ARHGAP26: variants seen among roughly 807,000 people sequenced by gnomAD.
The protein encoded by ARHGAP26 is rho GTPase-activating protein 26.
In ARHGAP26, 38 loss-of-function variants were observed where a neutral mutation model predicts 104.8. That is an observed-to-expected ratio of 0.36 (90% CI 0.28 to 0.48). ARHGAP26 has a LOEUF of 0.48. Ranked by LOEUF, ARHGAP26 falls within the 20% of genes least tolerant of loss-of-function variation. The pLI is 0.99. For synonymous variants in ARHGAP26, 341 were observed against 340.0 expected (o/e 1.00, Z -0.03); for missense variants, 704 against 947.9 (o/e 0.74, Z 3.38).
intron 9 of ARHGAP26, among the ~76,000 whole-genome samples, chr5:142,912,656 C>T (rs1761981162): frequency 6.6e-6 from 1 of 152,130 alleles, no homozygotes; most frequent in Non-Finnish European, 1.5e-5. Flanking sequence ...CAAAATTTGA[C>T]CCAGTCTCTG....
chr5:142,792,686 C>T (rs927958202), intron 1 of ARHGAP26, among the ~76,000 whole-genome samples: 1 of 152,110 alleles, frequency 6.6e-6, no homozygotes. Flanking sequence ...CTGAGAGCAC[C>T]CCGGCTGTGC....
intron 1 of ARHGAP26, among the ~76,000 whole-genome samples, chr5:142,831,080 G>A (rs181503094): frequency 3.9e-5 from 6 of 152,314 alleles, no homozygotes; most frequent in African/African-American, 1.4e-4. Flanking sequence ...CGATCACAAT[G>A]CCTGGCATGC....
intron 1 of ARHGAP26, among the ~76,000 whole-genome samples, chr5:142,773,217 T>C (rs1376385079): frequency 6.6e-6 from 1 of 152,250 alleles, no homozygotes. Context: ...TCATGTTTAT[T>C]ATATCTATAA....
At chr5:142,969,138 G>T (rs1191398627) in intron 11 of ARHGAP26, among the ~76,000 whole-genome samples, 1 of 152,106 alleles carries the variant, frequency 6.6e-6, no homozygotes, top group African/African-American at 2.4e-5. Flanking sequence ...AAGGGGGCTT[G>T]CCATGTGGCC....
chr5:143,061,040 T>G (rs1257021194), intron 17 of ARHGAP26, among the ~76,000 whole-genome samples: 1 of 152,248 alleles, frequency 6.6e-6, no homozygotes, highest in Non-Finnish European at 1.5e-5. Context: ...TGTGTTGAGT[T>G]TTCAACAAAT....
At chr5:143,067,067 G>C (rs569785806) in intron 17 of ARHGAP26, among the ~76,000 whole-genome samples, 1 of 151,562 alleles carries the variant, frequency 6.6e-6, no homozygotes, top group African/African-American at 2.4e-5. Context: ...TCTTGGTGTC[G>C]CAAGGCTGAT....
intron 19 of ARHGAP26, 152 bp from the exon 20 acceptor site, chr5:143,147,079 T>C: frequency 1.0e-6 from 1 of 985,606 alleles, no homozygotes; most frequent in Non-Finnish European, 1.5e-6. Flanking sequence ...TTTCCCACTT[T>C]TAATTCTTAA....
At chr5:143,167,111 A>G (rs996283469) in intron 20 of ARHGAP26, among the ~76,000 whole-genome samples, 3 of 152,130 alleles carry the variant, frequency 2.0e-5, no homozygotes, top group African/African-American at 2.4e-5. Flanking sequence ...CACCTCAAGT[A>G]AATTGCATTT....
intron 1 of ARHGAP26, among the ~76,000 whole-genome samples, chr5:142,813,486 G>C (rs947692154): frequency 6.6e-6 from 1 of 152,176 alleles, no homozygotes; most frequent in African/African-American, 2.4e-5. Context: ...GACAGTGTGT[G>C]TATTAATCTT....
intron 17 of ARHGAP26, among the ~76,000 whole-genome samples, chr5:143,089,315 C>T (rs1261285062): frequency 2.0e-5 from 3 of 152,096 alleles, no homozygotes; most frequent in Admixed American, 6.5e-5. Flanking sequence ...ACACAGCACC[C>T]GACAAGAATA....
intron 1 of ARHGAP26, among the ~76,000 whole-genome samples, chr5:142,849,735 T>G (rs1751153691): frequency 6.6e-6 from 1 of 152,182 alleles, no homozygotes; most frequent in Non-Finnish European, 1.5e-5. Context: ...TTTCTTGATG[T>G]CTGCTGGCAT....
At chr5:143,125,133 A>G (rs1599126244) in intron 18 of ARHGAP26, among the ~76,000 whole-genome samples, 1 of 152,324 alleles carries the variant, frequency 6.6e-6, no homozygotes, top group East Asian at 1.9e-4. Context: ...AGAAGTGGGT[A>G]ATTCAGTTTC....
intron 1 of ARHGAP26, among the ~76,000 whole-genome samples, chr5:142,836,760 A>G (rs149742656): frequency 1.6e-3 from 247 of 152,372 alleles, no homozygotes; most frequent in African/African-American, 5.6e-3. Context: ...TTCCCAATTT[A>G]GAAAACCTTT....
chr5:142,954,012 T>C (rs1768810779), intron 11 of ARHGAP26, among the ~76,000 whole-genome samples: 1 of 152,222 alleles, frequency 6.6e-6, no homozygotes, highest in Non-Finnish European at 1.5e-5. Context: ...AGTTTCCCCA[T>C]TTTAAAATAC....
At chr5:143,105,629 C>G (rs1793904106) in intron 17 of ARHGAP26, among the ~76,000 whole-genome samples, 1 of 152,084 alleles carries the variant, frequency 6.6e-6, no homozygotes, top group Admixed American at 6.5e-5. Context: ...GTACATGTGT[C>G]ATAGCCTTGG....
At chr5:142,930,903 G>A (rs562985878) in intron 10 of ARHGAP26, among the ~76,000 whole-genome samples, 1 of 152,336 alleles carries the variant, frequency 6.6e-6, no homozygotes, top group East Asian at 1.9e-4. Flanking sequence ...GGGTGGGTGA[G>A]AATGACCAGG....
In ARHGAP26 at chr5:143,134,017, G is replaced by T. The variant is rs1280102386; in HGVS notation, c.1749G>T (p.Leu583=). The T allele has an allele frequency of 1.2e-6, 2 of 1,612,982 alleles. No individual in the cohort carries two copies. The highest frequency in any genetic ancestry group is 2.7e-5 in the African/African-American group (2 of 74,810). The stretch of plus-strand genomic sequence containing the variant: ...CTCTCACCAATGCCCAGCTGCACCT[G>T]TCTCGGAAGAAGAGCAGTGACTCCA... The part of the protein sequence containing the change: ...DMPLTNAQLH[L]SRKKSSDSKP... Residue 583 remains leucine (L), a synonymous_variant, in exon 19 of 23, where the codon CTG becomes CTT. Transcript: ENST00000645722.
chr5:142,771,875 C>G (rs1755279370), intron 1 of ARHGAP26, among the ~76,000 whole-genome samples: 1 of 152,188 alleles, frequency 6.6e-6, no homozygotes, highest in African/African-American at 2.4e-5. Flanking sequence ...TAAGCGTGCT[C>G]TAGGGATGAG....
At chr5:143,171,800 G>A (rs1162216931) in intron 20 of ARHGAP26, among the ~76,000 whole-genome samples, 1 of 152,198 alleles carries the variant, frequency 6.6e-6, no homozygotes, top group African/African-American at 2.4e-5. Flanking sequence ...GGTGGTAGCA[G>A]GATGTTTGCA....
Sources: allele counts gnomAD v4.1 joint callset (sites outside exome capture counted in the v4.1 genomes callset), GRCh38; gene constraint gnomAD v4.1.1; transcripts MANE v1.5; gene names NCBI Gene and HGNC (gene_info 2026-07-23, HGNC 2026-07-21).